CNTN1: variants seen among roughly 807,000 people sequenced by gnomAD.
CNTN1 encodes contactin-1.
A neutral mutation model predicts 126.4 loss-of-function variants in CNTN1; 38 were observed. That is an observed-to-expected ratio of 0.30 (90% confidence interval 0.23 to 0.39). The LOEUF is 0.39. CNTN1 is among the 10% of genes least tolerant of loss of function. CNTN1 has a pLI of 1.00. For synonymous variants in CNTN1, 413 were observed against 422.6 expected (o/e 0.98, Z 0.28); for missense variants, 1,009 against 1,248.4 (o/e 0.81, Z 2.89).
At chr12:40,890,127 A>C (rs567817505) in intron 1 of CNTN1, among the ~76,000 whole-genome samples, 1 of 152,190 alleles carries the variant, frequency 6.6e-6, no homozygotes. Context: ...AACAGAGCGA[A>C]TATCACCTTT....
intron 15 of CNTN1, among the ~76,000 whole-genome samples, chr12:40,973,728 T>G (rs1162501813): frequency 6.6e-6 from 1 of 152,120 alleles, no homozygotes; most frequent in Non-Finnish European, 1.5e-5. Context: ...GGGGGTTTAT[T>G]TCCAACTATA....
intron 1 of CNTN1, among the ~76,000 whole-genome samples, chr12:40,812,017 G>C (rs1416829725): frequency 6.7e-6 from 1 of 149,036 alleles, no homozygotes; most frequent in Non-Finnish European, 1.5e-5. Context: ...TTTTTTTAAT[G>C]TAGACATTTA....
At chr12:40,741,202 T>C (rs1937931909) in intron 1 of CNTN1, among the ~76,000 whole-genome samples, 1 of 152,122 alleles carries the variant, frequency 6.6e-6, no homozygotes, top group Non-Finnish European at 1.5e-5. Flanking sequence ...ATAAACTTCC[T>C]GGGATAGCAA....
chr12:40,707,043 TGCGCACACACACACACACACACACACAC>T (rs1456235303), intron 1 of CNTN1, among the ~76,000 whole-genome samples: 4 of 44,446 alleles, frequency 9.0e-5, no homozygotes, highest in Non-Finnish European at 1.6e-4. Context: ...CGCGCGCGCT[TGCGCACACACACACACACACACACACAC>T]ACACACACAC....
chr12:40,839,751 C>A (rs1426512911), intron 1 of CNTN1, among the ~76,000 whole-genome samples: 1 of 152,066 alleles, frequency 6.6e-6, no homozygotes, highest in Admixed American at 6.5e-5. Context: ...CTAGACCAGT[C>A]CTACAAGAAA....
chr12:40,702,255 A>T (rs1304328805), intron 1 of CNTN1, among the ~76,000 whole-genome samples: 7 of 151,942 alleles, frequency 4.6e-5, no homozygotes, highest in African/African-American at 1.7e-4. Flanking sequence ...TTTGTTCAAA[A>T]TTTTTTGTGA....
intron 1 of CNTN1, among the ~76,000 whole-genome samples, chr12:40,766,550 C>T (rs1393434293): frequency 6.6e-6 from 1 of 152,004 alleles, no homozygotes; most frequent in Non-Finnish European, 1.5e-5. Context: ...TGTTACTGGC[C>T]TTTAAAAGGG....
chr12:41,020,701 T>C (rs1431149335), intron 20 of CNTN1, among the ~76,000 whole-genome samples: 1 of 152,200 alleles, frequency 6.6e-6, no homozygotes. Context: ...TAATAACACT[T>C]ATGATTACCC....
At chr12:40,702,276 T>C (rs1443141176) in intron 1 of CNTN1, among the ~76,000 whole-genome samples, 2 of 152,118 alleles carry the variant, frequency 1.3e-5, no homozygotes, top group African/African-American at 4.8e-5. Flanking sequence ...GCTGTGTCAA[T>C]ATTCTTGCAT....
chr12:40,847,396 T>A (rs1942551833), intron 1 of CNTN1, among the ~76,000 whole-genome samples: 1 of 152,138 alleles, frequency 6.6e-6, no homozygotes, highest in Non-Finnish European at 1.5e-5. Flanking sequence ...ATTTTTATCT[T>A]TTAATTATAT....
Position 41,051,650 on chromosome 12 carries a change from C to A in CNTN1, c.2981-18309C>A, listed in dbSNP as rs555207818. 5.0e-4 allele frequency among the ~76,000 whole-genome samples: 76 copies of A among 152,108 alleles called. 1 individual carries two copies. The highest frequency in any genetic ancestry group is 2.1e-3 in the South Asian group (10 of 4,824). ...ACAAAAATGTCCTCTTTTTAAGGAA[C>A]TGTGAATGAAAGTTCTCTCAGGTAG... is the stretch of plus-strand genomic sequence containing the variant. On this transcript the variant is annotated intron_variant, in intron 23 of 23. Transcript: ENST00000551295.
intron 1 of CNTN1, among the ~76,000 whole-genome samples, chr12:40,900,028 G>A (rs1944552487): frequency 6.6e-6 from 1 of 152,020 alleles, no homozygotes; most frequent in Non-Finnish European, 1.5e-5. Context: ...ATTTGTATTA[G>A]AGCAATCCAT....
intron 12 of CNTN1, among the ~76,000 whole-genome samples, chr12:40,940,664 C>T (rs1946236191): frequency 6.6e-6 from 1 of 152,096 alleles, no homozygotes; most frequent in Admixed American, 6.6e-5. Context: ...TATGCCAGCA[C>T]AGCCCTCTTA....
chr12:40,828,434 T>A (rs994984285), intron 1 of CNTN1: 1 of 152,158 alleles, frequency 6.6e-6, no homozygotes, highest in Non-Finnish European at 1.5e-5. Flanking sequence ...GACTCTCAAT[T>A]GTTACGTTAA....
At chr12:40,879,027 G>A (rs571565241) in intron 1 of CNTN1, among the ~76,000 whole-genome samples, 17 of 152,244 alleles carry the variant, frequency 1.1e-4, no homozygotes, top group Non-Finnish European at 1.5e-4. Context: ...ACACGACTGA[G>A]GAGTCTGAAG....
chr12:40,714,381 T>G (rs1941997659), intron 1 of CNTN1, among the ~76,000 whole-genome samples: 1 of 152,088 alleles, frequency 6.6e-6, no homozygotes, highest in Non-Finnish European at 1.5e-5. Context: ...CCCCCATCTC[T>G]CCAACATAGG....
chr12:40,945,722 TAA>T (rs34940542), intron 14 of CNTN1, among the ~76,000 whole-genome samples: 15 of 144,974 alleles, frequency 1.0e-4, no homozygotes, highest in African/African-American at 2.3e-4. Flanking sequence ...CAGTCCCCTT[TAA>T]AAAAAAAAAC....
chr12:40,773,646 TATATATATACAC>T (rs1233541245), intron 1 of CNTN1, among the ~76,000 whole-genome samples: 33 of 3,844 alleles, frequency 8.6e-3, no homozygotes, highest in Admixed American at 0.027. Context: ...TATATATATA[TATATATATACAC>T]ATATATATAT....
intron 15 of CNTN1, chr12:40,971,359 C>T (rs1259335909): frequency 5.2e-5 from 66 of 1,274,590 alleles, no homozygotes; most frequent in Non-Finnish European, 7.2e-5. Flanking sequence ...TAGGGCAAAT[C>T]CCCCAAGTGC....
Sources: allele counts gnomAD v4.1 joint callset (sites outside exome capture counted in the v4.1 genomes callset), GRCh38; gene constraint gnomAD v4.1.1; transcripts MANE v1.5; gene names NCBI Gene and HGNC (gene_info 2026-07-23, HGNC 2026-07-21).